The following GPHN variants were observed in gnomAD, a reference collection of about 807,000 sequenced individuals.
The protein encoded by GPHN is gephyrin.
A neutral mutation model predicts 95.5 loss-of-function variants in GPHN; 17 were observed. The observed-to-expected ratio is 0.18, with a 90% CI of 0.12 to 0.27. The LOEUF (loss-of-function observed/expected upper bound fraction) is 0.27, where lower values mean the gene tolerates loss of function less well. Among genes scored for constraint, GPHN ranks in the 10% least tolerant of loss-of-function variants. The probability of loss-of-function intolerance (pLI) is 1.00; values close to 1 mark genes in which losing one functional copy is unlikely to be tolerated. For missense variants in GPHN, 660 were observed against 978.1 expected (o/e 0.67, Z 4.34); for synonymous variants, 320 against 322.5 (o/e 0.99, Z 0.08).
Position 66,894,205 on chromosome 14 carries a change from C to T in GPHN, c.389+14172C>T, listed in dbSNP as rs1335325744. Among the ~76,000 whole-genome samples the T allele has an allele frequency of 2.6e-5, 4 of 152,056 alleles. No individual in the cohort carries two copies. The East Asian group carries it at 7.7e-4, about 29-fold the overall frequency. On this transcript the variant is annotated intron_variant, in intron 5 of 22. Transcript: ENST00000478722. ...CAGAACACAGCCCTCAGAAATAATACCACACATCTACCACTATCTGATCCT... is the reference window on the plus strand; with the variant it reads ...CAGAACACAGCCCTCAGAAATAATATCACACATCTACCACTATCTGATCCT...
At chr14:67,175,638 G>C (rs2082895934) in intron 21 of GPHN, among the ~76,000 whole-genome samples, 1 of 152,068 alleles carries the variant, frequency 6.6e-6, no homozygotes. Flanking sequence ...GCTTTATGGG[G>C]ATAGCATTGA....
intron 10 of GPHN, among the ~76,000 whole-genome samples, chr14:67,055,956 C>T (rs887606850): frequency 1.3e-5 from 2 of 152,160 alleles, no homozygotes; most frequent in Non-Finnish European, 2.9e-5. Context: ...CCAGTGGGTT[C>T]GTGGTCTTGC....
chr14:66,788,351 AC>A (rs1362729847), intron 3 of GPHN, among the ~76,000 whole-genome samples: 1 of 152,240 alleles, frequency 6.6e-6, no homozygotes, highest in East Asian at 1.9e-4. Flanking sequence ...TCTATGAATG[AC>A]AAAATATTGA....
intron 9 of GPHN, among the ~76,000 whole-genome samples, chr14:66,980,449 G>T (rs770872197): frequency 2.0e-5 from 3 of 151,974 alleles, no homozygotes; most frequent in South Asian, 2.1e-4. Flanking sequence ...CTGCCTAAAG[G>T]TTATTTATTT....
At chr14:66,647,163 C>G (rs1418715122) in intron 1 of GPHN, among the ~76,000 whole-genome samples, 1 of 151,456 alleles carries the variant, frequency 6.6e-6, no homozygotes, top group Admixed American at 6.6e-5. Flanking sequence ...GCCTTGGCCC[C>G]CCAAAGTTCT....
chr14:67,143,328 G>T, intron 17 of GPHN, 34 bp from the exon 18 acceptor site: 1 of 1,344,252 alleles, frequency 7.4e-7, no homozygotes, highest in Non-Finnish European at 1.1e-6. Context: ...TCTTTTCCTT[G>T]TGTGTTAATT....
intron 8 of GPHN, among the ~76,000 whole-genome samples, chr14:66,946,129 TTTGA>T (rs1302913688): frequency 6.6e-6 from 1 of 152,210 alleles, no homozygotes; most frequent in Non-Finnish European, 1.5e-5. Flanking sequence ...AGAAATAATT[TTTGA>T]TTGTCTAATC....
chr14:66,513,313 A>G lies in GPHN; in HGVS notation c.64+4722A>G, dbSNP rs138752168. Among the ~76,000 whole-genome samples, 340 of 151,904 alleles carry G rather than the reference A, an allele frequency of 2.2e-3. 1 individual carries two copies. The highest frequency in any genetic ancestry group is 7.9e-3 in the African/African-American group (329 of 41,550). Reference sequence around the variant, plus strand: ...TTGAAAAAGTATTAGTTGCTATACAATAAGAGTTTTAAATACATTAAAAAC... The same window carrying G: ...TTGAAAAAGTATTAGTTGCTATACAGTAAGAGTTTTAAATACATTAAAAAC... On this transcript the variant is annotated intron_variant, in intron 1 of 22. Transcript: ENST00000478722.
the GPHN span, among the ~76,000 whole-genome samples, chr14:67,267,474 C>T: frequency 6.6e-6 from 1 of 152,070 alleles, no homozygotes; most frequent in African/African-American, 2.4e-5. Flanking sequence ...TGGTCTTGAC[C>T]TGCTGATCTC....
chr14:67,359,750 AT>A, the GPHN span: 3 of 1,607,878 alleles, frequency 1.9e-6, no homozygotes, highest in Non-Finnish European at 2.6e-6. Context: ...CGAGGCTGCA[AT>A]AGCTCCAGAA....
intron 2 of GPHN, among the ~76,000 whole-genome samples, chr14:66,687,065 G>A (rs1048471771): frequency 3.3e-5 from 5 of 152,082 alleles, no homozygotes; most frequent in African/African-American, 4.8e-5. Flanking sequence ...ATTGATTTGC[G>A]TATGTTGAAC....
At chr14:67,727,114 C>G in the GPHN span, 32 of 1,614,218 alleles carry the variant, frequency 2.0e-5, no homozygotes, top group Non-Finnish European at 2.5e-5. Flanking sequence ...AGAAGCGCTA[C>G]AGCAGGGGTT....
chr14:66,518,308 G>A (rs2058335660), intron 1 of GPHN, among the ~76,000 whole-genome samples: 5 of 151,946 alleles, frequency 3.3e-5, no homozygotes, highest in Admixed American at 2.6e-4. Flanking sequence ...CCCCAGTTAG[G>A]ATCACTGTTA....
intron 9 of GPHN, chr14:66,985,617 T>C: frequency 9.8e-7 from 1 of 1,023,988 alleles, no homozygotes; most frequent in South Asian, 1.4e-5. Context: ...TACTAATGTA[T>C]AGAAAAATTT....
At chr14:66,534,721 T>G (rs1322620797) in intron 1 of GPHN, among the ~76,000 whole-genome samples, 1 of 152,198 alleles carries the variant, frequency 6.6e-6, no homozygotes, top group Admixed American at 6.5e-5. Context: ...ATTGTCAGTC[T>G]TTTTAATTTC....
chr14:66,583,205 A>G (rs1359828334), intron 1 of GPHN, among the ~76,000 whole-genome samples: 1 of 151,938 alleles, frequency 6.6e-6, no homozygotes, highest in African/African-American at 2.4e-5. Context: ...GTCTGTTCAT[A>G]TTCTTTGCCC....
chr14:67,562,408 G>A, the GPHN span: 9 of 1,613,760 alleles, frequency 5.6e-6, no homozygotes, highest in Non-Finnish European at 7.6e-6. Context: ...AACCTCATCT[G>A]GGAAGAGAGA....
the GPHN span, among the ~76,000 whole-genome samples, chr14:67,357,438 T>C: frequency 1.3e-5 from 2 of 152,216 alleles, no homozygotes; most frequent in Non-Finnish European, 2.9e-5. Flanking sequence ...GAAGAGATTA[T>C]TTCCTGCACC....
intron 3 of GPHN, among the ~76,000 whole-genome samples, chr14:66,808,124 G>C (rs1251213515): frequency 6.6e-6 from 1 of 152,122 alleles, no homozygotes; most frequent in Non-Finnish European, 1.5e-5. Context: ...TTTTTTCATT[G>C]ATTACAGGTG....
Sources: gnomAD v4.1 joint callset for allele counts (sites outside exome capture counted in the v4.1 genomes callset) on GRCh38, gnomAD v4.1.1 for gene constraint, MANE v1.5 for transcripts, NCBI Gene and HGNC (gene_info 2026-07-23, HGNC 2026-07-21) for gene names.